Variants in NPAS3 observed in about 807,000 individuals in gnomAD.
The protein encoded by NPAS3 is neuronal PAS domain protein 3.
NPAS3 carries 14 observed loss-of-function variants against 73.1 expected under a neutral mutation model. The observed-to-expected ratio is 0.19, with a 90% confidence interval of 0.13 to 0.30. NPAS3 has a LOEUF of 0.30. Among genes scored for constraint, NPAS3 ranks in the 10% least tolerant of loss-of-function variants. NPAS3 has a pLI of 1.00. For missense variants in NPAS3, 1,096 were observed against 1,250.0 expected, an observed-to-expected ratio of 0.88 and a Z score of 1.86; for synonymous variants, 620 against 541.5, an observed-to-expected ratio of 1.14 and a Z score of -2.01.
chr14:33,768,824 T>C (rs2062549388), intron 7 of NPAS3, among the ~76,000 whole-genome samples: 1 of 152,222 alleles, frequency 6.6e-6, no homozygotes, highest in Non-Finnish European at 1.5e-5. Flanking sequence ...ATTCTTTTTA[T>C]AGTTTCATGG....
intron 2 of NPAS3, among the ~76,000 whole-genome samples, chr14:33,084,965 G>C (rs1172041512): frequency 6.6e-6 from 1 of 152,186 alleles, no homozygotes; most frequent in African/African-American, 2.4e-5. Flanking sequence ...GCACTGACCA[G>C]GGTGTTTCAT....
intron 3 of NPAS3, among the ~76,000 whole-genome samples, chr14:33,245,572 A>G (rs1248060124): frequency 6.6e-6 from 1 of 152,218 alleles, no homozygotes; most frequent in Non-Finnish European, 1.5e-5. Flanking sequence ...ATGATTGATA[A>G]TACATATTTA....
chr14:33,097,850 G>A (rs1270501055), intron 2 of NPAS3, among the ~76,000 whole-genome samples: 1 of 151,552 alleles, frequency 6.6e-6, no homozygotes, highest in African/African-American at 2.4e-5. Context: ...TTTTTCTACT[G>A]AGTTATTATC....
chr14:32,999,443 A>G (rs185118197), intron 1 of NPAS3, among the ~76,000 whole-genome samples: 215 of 152,158 alleles, frequency 1.4e-3, no homozygotes, highest in African/African-American at 4.9e-3. Flanking sequence ...CCCGGGAGGC[A>G]GAGCTTGCAG....
intron 10 of NPAS3, among the ~76,000 whole-genome samples, 161 bp downstream of exon 10, chr14:33,794,205 A>G (rs2063446341): frequency 6.6e-6 from 1 of 152,250 alleles, no homozygotes; most frequent in Non-Finnish European, 1.5e-5. Flanking sequence ...AGATTCAAAT[A>G]AATGTGAGAA....
At chr14:33,715,499 G>A (rs937502983) in intron 6 of NPAS3, among the ~76,000 whole-genome samples, 1 of 152,134 alleles carries the variant, frequency 6.6e-6, no homozygotes, top group Non-Finnish European at 1.5e-5. Flanking sequence ...CTGGGGAACA[G>A]GATAAACCTG....
chr14:33,161,509 CAA>C (rs1433804666), intron 2 of NPAS3, among the ~76,000 whole-genome samples: 1 of 152,140 alleles, frequency 6.6e-6, no homozygotes, highest in Non-Finnish European at 1.5e-5. Context: ...CTTAAGAAAA[CAA>C]GGGTGAAGAA....
intron 1 of NPAS3, among the ~76,000 whole-genome samples, chr14:33,050,391 C>G (rs74041771): frequency 6.6e-6 from 1 of 152,306 alleles, no homozygotes; most frequent in African/African-American, 2.4e-5. Flanking sequence ...TGAGGCCCAG[C>G]AGTCTTCCCT....
chr14:33,129,276 AAG>A (rs569332402), intron 2 of NPAS3, among the ~76,000 whole-genome samples: 113 of 152,284 alleles, frequency 7.4e-4, no homozygotes, highest in African/African-American at 2.6e-3. Context: ...CATTAAGGGA[AAG>A]AGAGAAATAA....
chr14:33,156,307 C>G (rs2044646207), intron 2 of NPAS3, among the ~76,000 whole-genome samples: 1 of 152,082 alleles, frequency 6.6e-6, no homozygotes. Flanking sequence ...GTCACAGTGG[C>G]CTTGTTTTTA....
At chr14:33,331,013 G>T (rs1464048264) in intron 3 of NPAS3, among the ~76,000 whole-genome samples, 28 of 152,178 alleles carry the variant, frequency 1.8e-4, no homozygotes, top group Admixed American at 1.8e-3. Context: ...TTACACTTGG[G>T]TGATTTAGTG....
chr14:33,267,612 G>T (rs534703292), intron 3 of NPAS3, among the ~76,000 whole-genome samples: 5 of 152,088 alleles, frequency 3.3e-5, no homozygotes, highest in Non-Finnish European at 7.4e-5. Flanking sequence ...AGGTAGAATA[G>T]AATTTATTGA....
At chr14:33,742,071 A>G (rs2061668796) in intron 7 of NPAS3, among the ~76,000 whole-genome samples, 1 of 152,200 alleles carries the variant, frequency 6.6e-6, no homozygotes, top group Non-Finnish European at 1.5e-5. Context: ...TCAACCTAAT[A>G]GATTTATTTA....
chr14:33,108,368 A>G (rs1210461876), intron 2 of NPAS3, among the ~76,000 whole-genome samples: 1 of 151,772 alleles, frequency 6.6e-6, no homozygotes, highest in Non-Finnish European at 1.5e-5. Context: ...TAATTTTTGT[A>G]TTTTTAGTAG....
chr14:33,063,356 T>C (rs933154118), intron 2 of NPAS3, among the ~76,000 whole-genome samples: 2 of 152,206 alleles, frequency 1.3e-5, no homozygotes, highest in Non-Finnish European at 2.9e-5. Context: ...CTTACAGAGC[T>C]GACAGAACTA....
intron 4 of NPAS3, among the ~76,000 whole-genome samples, chr14:33,413,948 C>T (rs1012856010): frequency 1.1e-4 from 16 of 152,062 alleles, no homozygotes; most frequent in Non-Finnish European, 2.2e-4. Flanking sequence ...ACCTGTAATT[C>T]TTGATTCATT....
At chr14:33,561,121 T>A (rs1231871082) in intron 5 of NPAS3, among the ~76,000 whole-genome samples, 4 of 152,192 alleles carry the variant, frequency 2.6e-5, no homozygotes, top group Non-Finnish European at 5.9e-5. Flanking sequence ...TTGGATAATC[T>A]ACCGCTCGTT....
At chr14:33,187,115 C>T (rs151324408) in intron 2 of NPAS3, among the ~76,000 whole-genome samples, 255 of 152,296 alleles carry the variant, frequency 1.7e-3, no homozygotes, top group Non-Finnish European at 2.8e-3. Context: ...CAATGCAAAT[C>T]CACCTTCTGT....
At chr14:33,111,087 G>C (rs1294637047) in intron 2 of NPAS3, among the ~76,000 whole-genome samples, 1 of 152,136 alleles carries the variant, frequency 6.6e-6, no homozygotes, top group East Asian at 1.9e-4. Flanking sequence ...TGCAAGTGCT[G>C]GAAAAACTGC....
Sources: gnomAD v4.1 joint callset for allele counts (sites outside exome capture counted in the v4.1 genomes callset) on GRCh38, gnomAD v4.1.1 for gene constraint, MANE v1.5 for transcripts, NCBI Gene and HGNC (gene_info 2026-07-23, HGNC 2026-07-21) for gene names.